CNTROB: variants seen among roughly 807,000 people sequenced by gnomAD.
CNTROB encodes the protein centrobin.
CNTROB carries 82 observed loss-of-function variants against 115.7 expected under a neutral mutation model. The observed-to-expected ratio is 0.71, with a 90% confidence interval of 0.59 to 0.85. The LOEUF (loss-of-function observed/expected upper bound fraction) is 0.85. Ranked by LOEUF, CNTROB falls within the 40% of genes least tolerant of loss-of-function variation. The probability of loss-of-function intolerance (pLI) is 0.00; values close to 1 mark genes in which losing one functional copy is unlikely to be tolerated. For synonymous variants in CNTROB, 439 were observed against 456.4 expected, an observed-to-expected ratio of 0.96 and a Z score of 0.49; for missense variants, 1,014 against 1,144.4, an observed-to-expected ratio of 0.89 and a Z score of 1.64.
intron 18 of CNTROB, 55 bp downstream of exon 18, chr17:7,949,212 C>G (rs987337135): frequency 6.4e-7 from 1 of 1,573,486 alleles, no homozygotes; most frequent in African/African-American, 1.3e-5. Flanking sequence ...CTGACCAGCT[C>G]CTTCACCTCT....
chr17:7,939,402 G>C lies in CNTROB; in HGVS notation c.928-111G>C. The C allele has an allele frequency of 1.1e-6, 1 of 920,100 alleles. No individual in the cohort carries two copies. The highest frequency in any genetic ancestry group is 1.7e-6 in the Non-Finnish European group (1 of 584,196). The allele number at this position is 920,100 out of a possible 1,614,324, so 57.0% of individuals were successfully genotyped here. ...AGCCACCGCACCCGGCCTAATTATT[G>C]TGTTTTTAATGAGCATAATTCTCAG... On this transcript the variant is annotated intron_variant, in intron 7 of 18. Coordinates refer to ENST00000563694, the MANE Select transcript of CNTROB (RefSeq NM_053051.5). This position sits in a 1 kb window ranked among gnomAD's most constrained non-coding sequence, Gnocchi z 4.4.
chr17:7,948,337 T>A lies in CNTROB; in HGVS notation c.2380+10T>A. On this transcript the variant is annotated intron_variant, in intron 16 of 18. Coordinates refer to ENST00000563694, the MANE Select transcript of CNTROB (RefSeq NM_053051.5). The surrounding 1 kb of genome is among the most constrained non-coding windows in gnomAD (Gnocchi z 4.4). ...GGTTCCCCAGAGAGAGGTGAGCATG[T>A]TCTGGTTTATTAGGGAAAAAAGGAG... The A allele has an allele frequency of 6.2e-7, 1 of 1,613,906 alleles. No homozygotes were observed. The highest frequency in any genetic ancestry group is 1.1e-5 in the South Asian group (1 of 91,074).
In CNTROB at chr17:7,944,674, T is replaced by C. The variant is rs570039928; in HGVS notation, c.1734+36T>C. Reference sequence around the variant, plus strand: ...CCCCTTGAGCTAAGCTTCTCCGTTATGTTCTATTTTTATTTTTATTTTTGA... The same window carrying C: ...CCCCTTGAGCTAAGCTTCTCCGTTACGTTCTATTTTTATTTTTATTTTTGA... On this transcript the variant is annotated intron_variant, in intron 12 of 18. Transcript: ENST00000563694. This position sits in a 1 kb window ranked among gnomAD's most constrained non-coding sequence, Gnocchi z 4.0. The C allele has an allele frequency of 1.9e-6, 3 of 1,568,778 alleles. No individual in the cohort carries two copies. The highest frequency in any genetic ancestry group is 4.5e-5 in the East Asian group (2 of 44,260).
At position 7,933,206 on chromosome 17, in the gene CNTROB, C is replaced by T. The variant is rs778894802; in HGVS notation, c.127C>T (p.Arg43Cys). 2.5e-6 allele frequency: 4 copies of T among 1,614,266 alleles called. No individual in the cohort carries two copies. Among genetic ancestry groups the T allele is most frequent in the East Asian group, 2.2e-5 (1 of 44,892 alleles). ...EVTSQLYASL[R>C]LSRQAEATAR... ...GACCTCCCAGCTCTATGCTTCTTTG[C>T]GCCTCAGCCGGCAGGCGGAGGCCAC... Residue 43 changes from arginine to cysteine, a missense_variant, in exon 1 of 19, where the codon CGC becomes TGC. Coordinates refer to ENST00000563694, the MANE Select transcript of CNTROB (RefSeq NM_053051.5).
chr17:7,942,680 G>C (rs910194699), intron 9 of CNTROB, among the ~76,000 whole-genome samples: 46 of 149,858 alleles, frequency 3.1e-4, no homozygotes, highest in Non-Finnish European at 6.2e-4. Flanking sequence ...GTGAGTTGAA[G>C]GACTGTGGCT....
chr17:7,949,493 G>C lies in CNTROB; in HGVS notation c.2695G>C (p.Gly899Arg), dbSNP rs555275116. Residue 899 changes from glycine to arginine, a missense_variant, in exon 19 of 19, where the codon GGG becomes CGG. Transcript: ENST00000563694. ...TGCCCCGAGTAGCATGAGGAGCCGG[G>C]GGGGAGTCTGGAGATGAGCCCCCCT... The part of the protein sequence containing the change: ...HPAPSSMRSR[G>R]GVWR 253 of 1,613,514 alleles carry C rather than the reference G, an allele frequency of 1.6e-4. 6 individuals are homozygous for C. The South Asian group carries it at 2.5e-3, about 16-fold the overall frequency.
chr17:7,937,345 G>T, intron 7 of CNTROB, 83 bp downstream of exon 7: 2 of 1,545,340 alleles, frequency 1.3e-6, no homozygotes, highest in Admixed American at 1.7e-5. Flanking sequence ...GATTGTGGGA[G>T]ATTATAATTT....
chr17:7,932,106 C>G (rs970137117), upstream of CNTROB: 38 of 512,040 alleles, frequency 7.4e-5, no homozygotes, highest in Non-Finnish European at 1.2e-4. Context: ...GAGCCGCGCA[C>G]GCGCGGCCAG....
At chr17:7,936,325 C>T (rs1262723409) in intron 4 of CNTROB, 41 bp from the exon 5 acceptor site, 2 of 862,508 alleles carry the variant, frequency 2.3e-6, no homozygotes, top group African/African-American at 3.3e-5. Flanking sequence ...GTGGTCATAC[C>T]AAAGATGGGC....
intron 17 of CNTROB, 84 bp from the exon 18 acceptor site, chr17:7,949,001 A>G: frequency 6.2e-7 from 1 of 1,610,344 alleles, no homozygotes; most frequent in Non-Finnish European, 8.5e-7. Context: ...TAAGAGATAG[A>G]ATTGGGGAGT....
chr17:7,948,221 C>T lies in CNTROB; in HGVS notation c.2274C>T (p.His758=). The T allele has an allele frequency of 6.2e-7, 1 of 1,614,182 alleles. No homozygotes were observed. Among genetic ancestry groups the T allele is most frequent in the Non-Finnish European group, 8.5e-7 (1 of 1,180,034 alleles). Residue 758 remains histidine (H), a synonymous_variant, in exon 16 of 19, where the codon CAC becomes CAT. Coordinates refer to ENST00000563694, the MANE Select transcript of CNTROB (RefSeq NM_053051.5). This position sits in a 1 kb window ranked among gnomAD's most constrained non-coding sequence, Gnocchi z 4.4. ...TGCCACGTATTCCACCGCCTGTCCA[C>T]AAAACCAAAGTTCCCTTAGCCATGG... ...PQVPRIPPPV[H]KTKVPLAMAS... is the part of the protein sequence containing the mutation.
At chr17:7,938,539 G>A (rs1973473956) in intron 7 of CNTROB, among the ~76,000 whole-genome samples, 2 of 152,196 alleles carry the variant, frequency 1.3e-5, no homozygotes, top group African/African-American at 4.8e-5. Context: ...GGTAACTATT[G>A]TGTATTGAGT....
At chr17:7,933,800 T>C (rs932080125) in intron 1 of CNTROB, among the ~76,000 whole-genome samples, 3 of 152,224 alleles carry the variant, frequency 2.0e-5, no homozygotes, top group Non-Finnish European at 4.4e-5. Context: ...AAGATAGTTA[T>C]TAGTATTGTA....
rs1974920976 is a variant in CNTROB at position 7,949,219 on chromosome 17, C to G, written c.2586+62C>G. 1.4e-5 allele frequency: 22 copies of G among 1,567,984 alleles called. 1 individual carries two copies. The South Asian group carries it at 2.3e-4, about 17-fold the overall frequency. On this transcript the variant is annotated intron_variant, in intron 18 of 18. Transcript: ENST00000563694. ...GGCTCTCACTGACCAGCTCCTTCAC[C>G]TCTGCACACTCCTGGCTGGCCCCTC...
At chr17:7,940,983 T>A (rs2151756199) in intron 9 of CNTROB, among the ~76,000 whole-genome samples, 1 of 152,328 alleles carries the variant, frequency 6.6e-6, no homozygotes, top group South Asian at 2.1e-4. Context: ...AGCTGTGTTC[T>A]AGTACAACTT....
chr17:7,946,012 G>T (rs768572784), intron 13 of CNTROB, 26 bp downstream of exon 13: 13 of 1,608,160 alleles, frequency 8.1e-6, no homozygotes, highest in East Asian at 6.7e-5. Context: ...AGTCACTGGG[G>T]TTCCCCTTCT....
At chr17:7,934,883 C>T (rs972157338) in intron 3 of CNTROB, 106 bp from the exon 4 acceptor site, 1 of 1,297,062 alleles carries the variant, frequency 7.7e-7, no homozygotes, top group Non-Finnish European at 1.1e-6. Flanking sequence ...GGACAAGTCT[C>T]TTGCCCTCTC....
intron 4 of CNTROB, 121 bp downstream of exon 4, chr17:7,935,266 G>A: frequency 6.9e-7 from 1 of 1,442,018 alleles, no homozygotes; most frequent in South Asian, 1.2e-5. Flanking sequence ...CACTTTGGGA[G>A]GCTGAGGCAG....
In CNTROB at chr17:7,945,768, CCGA is replaced by C. The variant is rs773097795; in HGVS notation, c.1776_1778del (p.Glu593del). ...CCCTCCAGCCCCGGGCCTCAGGAGC[CCGA>C]GAAGGAGGAGAGGAGGGTCTGGACT... On this transcript the variant is annotated inframe_deletion, in exon 13 of 19. Transcript: ENST00000563694. 5 of 1,614,196 alleles carry C rather than the reference CCGA, an allele frequency of 3.1e-6. No individual in the cohort carries two copies. Among genetic ancestry groups the C allele is most frequent in the Non-Finnish European group, 4.2e-6 (5 of 1,180,024 alleles).
Sources: gnomAD v4.1 joint callset for allele counts (sites outside exome capture counted in the v4.1 genomes callset) on GRCh38, gnomAD v4.1.1 for gene constraint, Gnocchi (gnomAD v3.1) non-coding constraint, MANE v1.5 for transcripts, NCBI Gene and HGNC (gene_info 2026-07-23, HGNC 2026-07-21) for gene names.